Variants in SZT2 observed in about 807,000 individuals in gnomAD.
SZT2 encodes the protein SZT2 subunit of KICSTOR complex.
SZT2 carries 216 observed loss-of-function variants against 404.2 expected under a neutral mutation model. That is an observed-to-expected ratio of 0.53 (90% CI 0.48 to 0.60). The LOEUF (loss-of-function observed/expected upper bound fraction) is 0.60. Among genes scored for constraint, SZT2 ranks in the 20% least tolerant of loss-of-function variants. SZT2 has a pLI of 0.00. For synonymous variants in SZT2, 1,693 were observed against 1,749.9 expected (o/e 0.97, Z 0.81); for missense variants, 3,857 against 4,459.2 (o/e 0.86, Z 3.85).
Position 43,443,466 on chromosome 1 carries a change from C to T in SZT2, c.8614C>T (p.Pro2872Ser), listed in dbSNP as rs749714144. The change falls in exon 61 of 72, where the codon CCT becomes TCT. Residue 2872 changes from proline (P) to serine (S), a missense_variant. Around this residue, in one of 7 missense-constraint regions of SZT2, gnomAD observed 717 missense variants for 868.2 expected, o/e 0.83. Transcript: ENST00000634258. ...TGGGCCCCCAGAGACCTCTGGACCCCCTGACGGGCAGGTAAGGCTGACTCC... is the reference window on the plus strand; with the variant it reads ...TGGGCCCCCAGAGACCTCTGGACCCTCTGACGGGCAGGTAAGGCTGACTCC... ...LHGPPETSGP[P>S]DGQRRHRPES... 1 of 1,614,192 alleles carries T rather than the reference C, an allele frequency of 6.2e-7. No homozygotes were observed. The highest frequency in any genetic ancestry group is 1.7e-5 in the Admixed American group (1 of 60,034).
In SZT2 at chr1:43,424,683, T is replaced by C; in HGVS notation, c.2472-101T>C. 2 of 1,078,534 alleles carry C rather than the reference T, an allele frequency of 1.9e-6. No individual in the cohort carries two copies. Among genetic ancestry groups the C allele is most frequent in the Non-Finnish European group, 1.4e-6 (1 of 721,060 alleles). The allele number at this position is 1,078,534 out of a possible 1,614,324, so 66.8% of individuals were successfully genotyped here. A position where few individuals can be genotyped will look rare whatever the true frequency, so the allele number is the denominator to read the frequency against. On this transcript the variant is annotated intron_variant, in intron 16 of 71. Transcript: ENST00000634258. This position sits in a 1 kb window ranked among gnomAD's most constrained non-coding sequence, Gnocchi z 4.1. ...CAGGGCCAGCAGCAGACTTGGCTCC[T>C]TGAGGACTGCTGGGAGGTGGGTGTA... is the stretch of plus-strand genomic sequence containing the variant.
intron 64 of SZT2, 22 bp from the exon 65 acceptor site, chr1:43,446,320 C>T (rs759338342): frequency 1.2e-6 from 2 of 1,614,262 alleles, no homozygotes; most frequent in Non-Finnish European, 1.7e-6. Flanking sequence ...CCTTCCTGAT[C>T]TCATCTTCAC....
In SZT2 at chr1:43,422,154, G is replaced by C. The variant is rs1652439542; in HGVS notation, c.1698G>C (p.Leu566=). The change falls in exon 12 of 72, where the codon CTG becomes CTC. Residue 566 remains leucine (L), a synonymous_variant. Transcript: ENST00000634258. ...TTGCTGCCTACTGGAAGCCAGTGCT[G>C]TCCATGGATGCAAATTCCTGGCAGC... ...AQFAAYWKPV[L]SMDANSWQRW... is the part of the protein sequence containing the mutation. 3 of 1,597,258 alleles carry C rather than the reference G, an allele frequency of 1.9e-6. No individual in the cohort carries two copies. The highest frequency in any genetic ancestry group is 2.5e-6 in the Non-Finnish European group (3 of 1,179,100).
At position 43,427,929 on chromosome 1, in the gene SZT2, A is replaced by C. The variant is rs1487652432; in HGVS notation, c.3804-74A>C. On this transcript the variant is annotated intron_variant, in intron 26 of 71. Transcript: ENST00000634258. The stretch of plus-strand genomic sequence containing the variant: ...TATGTGTCTATAGATGATCCATTGG[A>C]GTGTGGATGGCTAATGAGTGTGAGG... 8.7e-6 allele frequency: 12 copies of C among 1,381,732 alleles called. No homozygotes were observed. In the Admixed American group the frequency reaches 2.1e-4, roughly 25 times the overall value. 85.6% of individuals were successfully genotyped at this position (1,381,732 alleles called of 1,614,324 possible).
At position 43,442,599 on chromosome 1, in the gene SZT2, TC is replaced by T; in HGVS notation, c.8136del (p.Val2713CysfsTer28). On this transcript the variant is annotated frameshift_variant, in exon 58 of 72. Transcript: ENST00000634258. LOFTEE classifies it high-confidence loss of function. The surrounding 1 kb of genome is among the most constrained non-coding windows in gnomAD (Gnocchi z 4.5). ...GLFHHYGQLD[F>X]PVRDEKEPNP... is the part of the protein sequence containing the mutation. ...TTCCATCATTATGGCCAGTTGGACT[TC>T]CCCGTGCGAGATGAAAAGGTGCCTG... 6.2e-7 allele frequency: 1 copy of T among 1,606,142 alleles called. No homozygotes were observed. The highest frequency in any genetic ancestry group is 8.5e-7 in the Non-Finnish European group (1 of 1,174,570).
chr1:43,404,175 C>T lies in SZT2; in HGVS notation c.328-205C>T, dbSNP rs1044940509. 35 of 570,554 alleles carry T rather than the reference C, an allele frequency of 6.1e-5. No homozygotes were observed. The East Asian group carries it at 1.0e-3, about 17-fold the overall frequency. 35.3% of individuals were successfully genotyped at this position (570,554 alleles called of 1,614,324 possible). ...TGAGCCGGGATCAGGCCACTGCGCT[C>T]TAGCGTGGGCAACAAAGCAAGACCC... On this transcript the variant is annotated intron_variant, in intron 3 of 71. Coordinates refer to ENST00000634258, the MANE Select transcript of SZT2 (RefSeq NM_001365999.1).
In SZT2 at chr1:43,420,774, G is replaced by C. The variant is rs1652256037; in HGVS notation, c.1287G>C (p.Leu429=). The change falls in exon 10 of 72, where the codon CTG becomes CTC. Residue 429 remains leucine, a synonymous_variant. Coordinates refer to ENST00000634258, the MANE Select transcript of SZT2 (RefSeq NM_001365999.1). The surrounding 1 kb of genome is among the most constrained non-coding windows in gnomAD (Gnocchi z 5.1). The part of the protein sequence containing the change: ...AKGGSQLEVK[L]VLLWKHNMRI... ...GAGGGTCCCAATTGGAGGTAAAGCTGGTGCTGCTGTGGAAACACAACATGC... is the reference window on the plus strand; with the variant it reads ...GAGGGTCCCAATTGGAGGTAAAGCTCGTGCTGCTGTGGAAACACAACATGC... The C allele has an allele frequency of 6.3e-7, 1 of 1,598,274 alleles. No individual in the cohort carries two copies. The highest frequency in any genetic ancestry group is 8.5e-7 in the Non-Finnish European group (1 of 1,179,814).
In SZT2 at chr1:43,425,511, G is replaced by C. The variant is rs375357422; in HGVS notation, c.2683G>C (p.Ala895Pro). The change falls in exon 19 of 72, where the codon GCC becomes CCC. Residue 895 changes from alanine (A) to proline (P), a missense_variant. Physicochemically the swap from Ala to Pro is conservative, Grantham distance 27. Transcript: ENST00000634258. This position sits in a 1 kb window ranked among gnomAD's most constrained non-coding sequence, Gnocchi z 4.3. ...TGATGACAATGATGTGGAAGTGGAGGCCCTGGAGGGAGACTCAGAGCTCAA... is the reference window on the plus strand; with the variant it reads ...TGATGACAATGATGTGGAAGTGGAGCCCCTGGAGGGAGACTCAGAGCTCAA... ...TDDDNDVEVE[A>P]LEGDSELNLV... 1.1e-5 allele frequency: 18 copies of C among 1,614,048 alleles called. No individual in the cohort carries two copies. Among genetic ancestry groups the C allele is most frequent in the Non-Finnish European group, 1.4e-5 (17 of 1,180,032 alleles).
chr1:43,444,571 GTTC>G (rs1287907306), intron 62 of SZT2, among the ~76,000 whole-genome samples: 1 of 152,080 alleles, frequency 6.6e-6, no homozygotes, highest in Non-Finnish European at 1.5e-5. Context: ...TCCTTGGCCT[GTTC>G]TTGGTCATGT....
chr1:43,429,904 G>C (rs1570665011), intron 29 of SZT2, 60 bp downstream of exon 29: 2 of 1,612,626 alleles, frequency 1.2e-6, no homozygotes, highest in East Asian at 4.5e-5. Flanking sequence ...AGAGGGACAG[G>C]ATTCTCTCCT....
At position 43,442,208 on chromosome 1, in the gene SZT2, G is replaced by A. The variant is rs1392605044; in HGVS notation, c.7874-60G>A. On this transcript the variant is annotated intron_variant, in intron 56 of 71. Coordinates refer to ENST00000634258, the MANE Select transcript of SZT2 (RefSeq NM_001365999.1). The surrounding 1 kb of genome is among the most constrained non-coding windows in gnomAD (Gnocchi z 4.5). Reference sequence around the variant, plus strand: ...GGGGTCTCCAACCTTGCAGAGGGGAGGGTGGGATCAAGGGGGATCTGTTCC... The same window carrying A: ...GGGGTCTCCAACCTTGCAGAGGGGAAGGTGGGATCAAGGGGGATCTGTTCC... 5 of 1,600,516 alleles carry A rather than the reference G, an allele frequency of 3.1e-6. No individual in the cohort carries two copies. Among genetic ancestry groups the A allele is most frequent in the East Asian group, 2.2e-5 (1 of 44,662 alleles).
chr1:43,454,156 G>T lies in SZT2; in HGVS notation c.*3676G>T. ...ATGATGGGACGCGCACTTTAATACT[G>T]AGTCTTTCCTCTGATTATAAAAATG... On this transcript the variant is annotated 3_prime_UTR_variant, in exon 72 of 72. Coordinates refer to ENST00000634258, the MANE Select transcript of SZT2 (RefSeq NM_001365999.1). The T allele has an allele frequency of 2.4e-6, 1 of 420,314 alleles. No homozygotes were observed. The highest frequency in any genetic ancestry group is 3.3e-6 in the Non-Finnish European group (1 of 303,054). The allele number at this position is 420,314 out of a possible 1,614,324, so 26.0% of individuals were successfully genotyped here.
In SZT2 at chr1:43,426,571, C is replaced by T. The variant is rs377273817; in HGVS notation, c.3214+33C>T. 7 of 1,526,524 alleles carry T rather than the reference C, an allele frequency of 4.6e-6. No homozygotes were observed. The East Asian group carries it at 1.2e-4, about 27-fold the overall frequency. 94.6% of individuals were successfully genotyped at this position (1,526,524 alleles called of 1,614,324 possible). On this transcript the variant is annotated intron_variant, in intron 22 of 71. Transcript: ENST00000634258. This position sits in a 1 kb window ranked among gnomAD's most constrained non-coding sequence, Gnocchi z 4.9. The stretch of plus-strand genomic sequence containing the variant: ...CCCCACATCCTCCTGACACCAGACC[C>T]TGGCCCAGCCCTTTTCCCCCACCCT...
Position 43,453,544 on chromosome 1 carries a change from C to A in SZT2, c.*3064C>A. 1 of 1,523,264 alleles carries A rather than the reference C, an allele frequency of 6.6e-7. No homozygotes were observed. Among genetic ancestry groups the A allele is most frequent in the Non-Finnish European group, 8.8e-7 (1 of 1,131,864 alleles). The allele number at this position is 1,523,264 out of a possible 1,614,324, so 94.4% of individuals were successfully genotyped here. On this transcript the variant is annotated 3_prime_UTR_variant, in exon 72 of 72. Coordinates refer to ENST00000634258, the MANE Select transcript of SZT2 (RefSeq NM_001365999.1). ...GCCCCCGGCTCGGACACTCCCCTGC[C>A]CGCGCCCCGGCACCCCCCAGCCCTC...
intron 1 of SZT2, among the ~76,000 whole-genome samples, chr1:43,395,727 A>G (rs988824060): frequency 1.3e-5 from 2 of 152,200 alleles, no homozygotes; most frequent in African/African-American, 4.8e-5. Flanking sequence ...GTTTTATGAG[A>G]GCAGGGAATG....
chr1:43,409,786 C>A, intron 4 of SZT2: 1 of 170,478 alleles, frequency 5.9e-6, no homozygotes, highest in African/African-American at 2.4e-5. Context: ...GAATGATATT[C>A]CATGTTCATG....
At chr1:43,440,701 T>C in intron 52 of SZT2, 115 bp downstream of exon 52, 1 of 1,360,302 alleles carries the variant, frequency 7.4e-7, no homozygotes, top group South Asian at 1.7e-5. Flanking sequence ...TCCTTTCATA[T>C]AAAACTGCTC....
chr1:43,444,210 C>G (rs748615314), intron 62 of SZT2, among the ~76,000 whole-genome samples: 1 of 152,110 alleles, frequency 6.6e-6, no homozygotes, highest in Non-Finnish European at 1.5e-5. Flanking sequence ...AATTCTTGTG[C>G]CTCAGTCTCC....
intron 1 of SZT2, among the ~76,000 whole-genome samples, chr1:43,396,613 T>C (rs1045412249): frequency 6.6e-6 from 1 of 152,274 alleles, no homozygotes; most frequent in Non-Finnish European, 1.5e-5. Context: ...TGTGCATTTA[T>C]ACACGTTACT....
Sources: gnomAD v4.1 joint callset for allele counts (sites outside exome capture counted in the v4.1 genomes callset) on GRCh38, gnomAD v4.1.1 for gene constraint, gnomAD v4.1.1 regional missense constraint, Gnocchi (gnomAD v3.1) non-coding constraint, MANE v1.5 for transcripts, NCBI Gene and HGNC (gene_info 2026-07-23, HGNC 2026-07-21) for gene names.